Variants in STKLD1 observed in about 807,000 individuals in gnomAD.
The protein encoded by STKLD1 is serine/threonine kinase-like domain-containing protein STKLD1.
In STKLD1, 79 loss-of-function variants were observed where a neutral mutation model predicts 80.4. That is an observed-to-expected ratio of 0.98 (90% CI 0.82 to 1.19). STKLD1 has a LOEUF of 1.19. Ranked by LOEUF, STKLD1 falls within the 50% of genes most tolerant of loss-of-function variation. The pLI is 0.00. For missense variants in STKLD1, 841 were observed against 856.0 expected (o/e 0.98, Z 0.22); for synonymous variants, 393 against 357.6 (o/e 1.10, Z -1.12).
In STKLD1 at chr9:133,387,508, T is replaced by C. The variant is rs2130279743; in HGVS notation, c.356T>C (p.Ile119Thr). ...AATGAGCTCAGCTTCCAGGAGGTCATTGAGGATAAGAGGAAGGCAAAGAAA... is the reference window on the plus strand; with the variant it reads ...AATGAGCTCAGCTTCCAGGAGGTCACTGAGGATAAGAGGAAGGCAAAGAAA... ...EFNELSFQEV[I>T]EDKRKAKKII... is the part of the protein sequence containing the mutation. The change falls in exon 5 of 18, where the codon ATT becomes ACT. Residue 119 changes from isoleucine to threonine, a missense_variant. Transcript: ENST00000371957. 4,177 of 1,613,960 alleles carry C rather than the reference T, an allele frequency of 2.6e-3. 112 individuals are homozygous for C. In the African/African-American group the frequency reaches 0.048, roughly 19 times the overall value.
chr9:133,393,720 T>C (rs1838486048), intron 7 of STKLD1, among the ~76,000 whole-genome samples: 1 of 151,894 alleles, frequency 6.6e-6, no homozygotes, highest in South Asian at 2.1e-4. Context: ...AGATGGTTGG[T>C]TCTATTGGAG....
At chr9:133,402,377 A>G (rs1554777841) in intron 13 of STKLD1, among the ~76,000 whole-genome samples, 1 of 152,230 alleles carries the variant, frequency 6.6e-6, no homozygotes, top group Non-Finnish European at 1.5e-5. Flanking sequence ...GAGTCCATGC[A>G]GCAGGGTTCA....
chr9:133,391,721 C>G (rs1838402587), intron 7 of STKLD1, among the ~76,000 whole-genome samples: 1 of 151,734 alleles, frequency 6.6e-6, no homozygotes, highest in Non-Finnish European at 1.5e-5. Flanking sequence ...GGGACACAAA[C>G]ACTCTGCCTA....
chr9:133,381,002 C>G (rs1248672766), intron 2 of STKLD1, among the ~76,000 whole-genome samples: 1 of 151,700 alleles, frequency 6.6e-6, no homozygotes, highest in East Asian at 1.9e-4. Context: ...GTAAACAGCT[C>G]TGATAAAGAT....
rs145856003 is a variant in STKLD1, at chr9:133,385,058, CG to C, written c.220-558del. Among the ~76,000 whole-genome samples, 919 of 152,320 alleles carry C rather than the reference CG, an allele frequency of 6.0e-3. 17 individuals carry two copies. The highest frequency in any genetic ancestry group is 0.021 in the African/African-American group (888 of 41,570). On this transcript the variant is annotated intron_variant, in intron 3 of 17. Coordinates refer to ENST00000371957, the MANE Select transcript of STKLD1 (RefSeq NM_153710.5). This position sits in a 1 kb window ranked among gnomAD's most constrained non-coding sequence, Gnocchi z 4.9. ...GGGCCTGCCCAGAGCCGCACGCCGCCGTGGCTTTTCACGTTGCCGATTCCCA... is the reference window on the plus strand; with the variant it reads ...GGGCCTGCCCAGAGCCGCACGCCGCCTGGCTTTTCACGTTGCCGATTCCCA...
chr9:133,388,536 C>T (rs2130282432), intron 5 of STKLD1, among the ~76,000 whole-genome samples: 1 of 152,274 alleles, frequency 6.6e-6, no homozygotes, highest in East Asian at 1.9e-4. Flanking sequence ...TGTGAGCCGC[C>T]GCGCCTAGCC....
In STKLD1 at chr9:133,389,363, C is replaced by G; in HGVS notation, c.397-163C>G. 1 of 985,348 alleles carries G rather than the reference C, an allele frequency of 1.0e-6. No individual in the cohort carries two copies. Among genetic ancestry groups the G allele is most frequent in the African/African-American group, 1.7e-5 (1 of 57,324 alleles). 61.0% of individuals were successfully genotyped at this position (985,348 alleles called of 1,614,324 possible). A position where few individuals can be genotyped will look rare whatever the true frequency, so the allele number is the denominator to read the frequency against. On this transcript the variant is annotated intron_variant, in intron 5 of 17. Transcript: ENST00000371957. This position sits in a 1 kb window ranked among gnomAD's most constrained non-coding sequence, Gnocchi z 6.4. The stretch of plus-strand genomic sequence containing the variant: ...GCGGCTTTACCATCTGGAGAGCCAC[C>G]ACGCTGAAGCCTCCTCCACCCTGAG...
chr9:133,399,944 CT>C (rs946400832), intron 11 of STKLD1, among the ~76,000 whole-genome samples: 2 of 151,864 alleles, frequency 1.3e-5, no homozygotes, highest in Non-Finnish European at 1.5e-5. Context: ...GGACTTCATC[CT>C]TGTTGCTCTC....
intron 9 of STKLD1, among the ~76,000 whole-genome samples, chr9:133,396,254 G>A (rs587768205): frequency 6.6e-6 from 1 of 152,246 alleles, no homozygotes; most frequent in East Asian, 1.9e-4. Flanking sequence ...GTAACATGGC[G>A]AAACCCCTGT....
chr9:133,378,308 T>C (rs1344433292), intron 1 of STKLD1, among the ~76,000 whole-genome samples: 1 of 152,176 alleles, frequency 6.6e-6, no homozygotes, highest in African/African-American at 2.4e-5. Flanking sequence ...CTCTGGGTCC[T>C]GCCCTCCCTC....
Position 133,404,839 on chromosome 9 carries a change from A to G in STKLD1, c.1783A>G (p.Ser595Gly), listed in dbSNP as rs1554778396. Residue 595 changes from serine (S) to glycine (G), a missense_variant, in exon 17 of 18, where the codon AGC (serine) becomes GGC (glycine). Transcript: ENST00000371957. ...GCAGGAGGAGGGCGGCAGTGGCCTC[A>G]GCCTCATCAAGGAGACCTACCAGCT... ...VVQEEGGSGL[S>G]LIKETYQLHR... is the part of the protein sequence containing the mutation. 1.2e-6 allele frequency: 2 copies of G among 1,613,168 alleles called. No homozygotes were observed. Among genetic ancestry groups the G allele is most frequent in the African/African-American group, 1.3e-5 (1 of 74,894 alleles).
At chr9:133,400,556 G>A in intron 12 of STKLD1, 27 bp downstream of exon 12, 1 of 1,570,630 alleles carries the variant, frequency 6.4e-7, no homozygotes, top group Non-Finnish European at 8.7e-7. Context: ...GCCAGATGGG[G>A]TCGGGGAGGC....
chr9:133,376,472 T>A lies in STKLD1; in HGVS notation c.-2T>A. ...CTCGCCCGTACGCGGTCGCTACTGA[T>A]CATGCTTGGGCCAGGGTCCAATCGC... On this transcript the variant is annotated 5_prime_UTR_variant, in exon 1 of 18. Coordinates refer to ENST00000371957, the MANE Select transcript of STKLD1 (RefSeq NM_153710.5). The A allele has an allele frequency of 1.3e-6, 2 of 1,585,226 alleles. No individual in the cohort carries two copies. Among genetic ancestry groups the A allele is most frequent in the Non-Finnish European group, 1.7e-6 (2 of 1,168,312 alleles).
chr9:133,394,197 C>T lies in STKLD1; in HGVS notation c.584-94C>T. 2 of 835,508 alleles carry T rather than the reference C, an allele frequency of 2.4e-6. No homozygotes were observed. The highest frequency in any genetic ancestry group is 1.4e-5 in the South Asian group (1 of 71,438). The allele number at this position is 835,508 out of a possible 1,614,324, so 51.8% of individuals were successfully genotyped here. ...TTTCAAGCTGCTTGCGGGGGGCCACCAAAGGGGATACAGTGCTGGGCAGGG... is the reference window on the plus strand; with the variant it reads ...TTTCAAGCTGCTTGCGGGGGGCCACTAAAGGGGATACAGTGCTGGGCAGGG... On this transcript the variant is annotated intron_variant, in intron 7 of 17. Transcript: ENST00000371957. The surrounding 1 kb of genome is among the most constrained non-coding windows in gnomAD (Gnocchi z 4.9).
Position 133,395,747 on chromosome 9 carries a change from G to A in STKLD1, c.850G>A (p.Asp284Asn). The change falls in exon 9 of 18, where the codon GAT becomes AAT. Residue 284 changes from aspartate to asparagine, a missense_variant. Asp to Asn is a conservative substitution (Grantham distance 23). Coordinates refer to ENST00000371957, the MANE Select transcript of STKLD1 (RefSeq NM_153710.5). ...LPLMLQIDPS[D>N]RITIKDVVHI... ...CTTGATGCTCCAGATCGACCCCTCG[G>A]ATCGAATAACGATAAAGTGAGCTCA... is the stretch of plus-strand genomic sequence containing the variant. The A allele has an allele frequency of 1.9e-6, 3 of 1,613,400 alleles. No individual in the cohort carries two copies. The highest frequency in any genetic ancestry group is 2.5e-6 in the Non-Finnish European group (3 of 1,179,980).
intron 8 of STKLD1, among the ~76,000 whole-genome samples, chr9:133,395,056 A>G (rs1433455015): frequency 6.6e-6 from 1 of 152,046 alleles, no homozygotes; most frequent in East Asian, 1.9e-4. Context: ...TGCCCAAAAC[A>G]AGGAAGCTCC....
At chr9:133,402,202 T>C (rs1838724958) in intron 13 of STKLD1, among the ~76,000 whole-genome samples, 1 of 152,168 alleles carries the variant, frequency 6.6e-6, no homozygotes, top group South Asian at 2.1e-4. Flanking sequence ...AAATGCCCTG[T>C]GTGTCTCCAT....
At chr9:133,380,845 A>G (rs1391307166) in intron 2 of STKLD1, among the ~76,000 whole-genome samples, 3 of 152,058 alleles carry the variant, frequency 2.0e-5, no homozygotes, top group African/African-American at 4.8e-5. Flanking sequence ...TATTGCAAAC[A>G]TAGTTTCATG....
chr9:133,379,067 G>A lies in STKLD1; in HGVS notation c.119G>A (p.Gly40Glu), dbSNP rs1241327597. 6.2e-7 allele frequency: 1 copy of A among 1,613,912 alleles called. No individual in the cohort carries two copies. The highest frequency in any genetic ancestry group is 8.5e-7 in the Non-Finnish European group (1 of 1,179,924). ...TACCAGCTGAATCCTGGGGCCTTGGGGGTGAACCTGGTGGTGGAGGAAATG... is the reference window on the plus strand; with the variant it reads ...TACCAGCTGAATCCTGGGGCCTTGGAGGTGAACCTGGTGGTGGAGGAAATG... ...VLYQLNPGAL[G>E]VNLVVEEMET... The change falls in exon 2 of 18, where the codon GGG (glycine) becomes GAG (glutamate). Residue 40 changes from glycine to glutamate, a missense_variant. By Grantham distance (98) the Gly-to-Glu change is moderately conservative. Transcript: ENST00000371957.
Sources: gnomAD v4.1 joint callset for allele counts (sites outside exome capture counted in the v4.1 genomes callset) on GRCh38, gnomAD v4.1.1 for gene constraint, Gnocchi (gnomAD v3.1) non-coding constraint, MANE v1.5 for transcripts, NCBI Gene and HGNC (gene_info 2026-07-23, HGNC 2026-07-21) for gene names.